CHAF1B: variants seen among roughly 807,000 people sequenced by gnomAD.
CHAF1B encodes the protein chromatin assembly factor 1 subunit B, also known as CAF-1 subunit B.
In CHAF1B, 10 loss-of-function variants were observed where a neutral mutation model predicts 60.7. The observed-to-expected ratio is 0.16, with a 90% CI of 0.10 to 0.28. CHAF1B has a LOEUF of 0.28. Among genes scored for constraint, CHAF1B ranks in the 10% least tolerant of loss-of-function variants. The pLI is 1.00. For synonymous variants in CHAF1B, 261 were observed against 266.1 expected (o/e 0.98, Z 0.19); for missense variants, 558 against 708.4 (o/e 0.79, Z 2.41).
At chr21:36,401,570 T>C (rs970200935) in intron 7 of CHAF1B, among the ~76,000 whole-genome samples, 1 of 112,100 alleles carries the variant, frequency 8.9e-6, no homozygotes, top group Non-Finnish European at 1.6e-5. Context: ...ATACATAATA[T>C]ATATTTTTAT....
chr21:36,409,973 T>C (rs975579182), intron 10 of CHAF1B, among the ~76,000 whole-genome samples: 3 of 151,822 alleles, frequency 2.0e-5, no homozygotes, highest in Admixed American at 6.6e-5. Flanking sequence ...TTTTCTTTTT[T>C]TTTTTTTTGA....
chr21:36,402,733 T>C lies in CHAF1B; in HGVS notation c.664-25T>C, dbSNP rs758123718. 9 of 1,584,962 alleles carry C rather than the reference T, an allele frequency of 5.7e-6. No individual in the cohort carries two copies. The East Asian group carries it at 1.8e-4, about 32-fold the overall frequency. On this transcript the variant is annotated intron_variant, in intron 7 of 13. Coordinates refer to ENST00000314103, the MANE Select transcript of CHAF1B (RefSeq NM_005441.3). ...TGTAGAAAACAAACAAAAAAAATAA[T>C]AAAAATAAATTTTGTGTGCGACAGG...
Position 36,387,689 on chromosome 21 carries a change from G to A in CHAF1B, c.218G>A (p.Arg73His), listed in dbSNP as rs1229456498. 7 of 1,614,068 alleles carry A rather than the reference G, an allele frequency of 4.3e-6. No individual in the cohort carries two copies. The highest frequency in any genetic ancestry group is 3.3e-5 in the Admixed American group (2 of 59,996). ...ARHTKAVNVV[R>H]FSPTGEILAS... ...CATACCAAAGCCGTCAATGTTGTGC[G>A]TTTTTCTCCAACTGGGGAAATTTTA... is the stretch of plus-strand genomic sequence containing the variant. Residue 73 changes from arginine to histidine, a missense_variant, in exon 3 of 14, where the codon CGT (arginine) becomes CAT (histidine). By Grantham distance (29) the Arg-to-His change is conservative. Coordinates refer to ENST00000314103, the MANE Select transcript of CHAF1B (RefSeq NM_005441.3).
At position 36,402,870 on chromosome 21, in the gene CHAF1B, G is replaced by A. The variant is rs2086202762; in HGVS notation, c.757+19G>A. 2 of 1,594,546 alleles carry A rather than the reference G, an allele frequency of 1.3e-6. No individual in the cohort carries two copies. The highest frequency in any genetic ancestry group is 2.2e-5 in the South Asian group (2 of 90,454). ...ACGCCAGGTGTGTTTCGTAGCTTTG[G>A]ACTTAAAGGAATGATGGCCGAGTGG... On this transcript the variant is annotated intron_variant, in intron 8 of 13. Transcript: ENST00000314103.
At chr21:36,392,593 T>G (rs8130294) in intron 4 of CHAF1B, among the ~76,000 whole-genome samples, 1 of 147,732 alleles carries the variant, frequency 6.8e-6, no homozygotes, top group Non-Finnish European at 1.5e-5. Context: ...CGGGCAGAGA[T>G]GCTCCTCTCT....
chr21:36,411,978 C>T (rs573498508), intron 11 of CHAF1B, among the ~76,000 whole-genome samples: 1 of 152,094 alleles, frequency 6.6e-6, no homozygotes, highest in South Asian at 2.1e-4. Context: ...TCCTCCTGCC[C>T]CAGCCTCCCA....
Position 36,386,055 on chromosome 21 carries a change from A to G in CHAF1B, c.-77-5A>G, listed in dbSNP as rs1480454273. On this transcript the variant is annotated splice_polypyrimidine_tract_variant and splice_region_variant and intron_variant, in intron 1 of 13. Transcript: ENST00000314103. ...TGTTAACACTGTTGTTTAATCCATC[A>G]CCAGCATTTTGCAGCTTTCTCCTGT... 6 of 1,559,396 alleles carry G rather than the reference A, an allele frequency of 3.8e-6. No homozygotes were observed. The highest frequency in any genetic ancestry group is 1.2e-5 in the South Asian group (1 of 86,498).
intron 2 of CHAF1B, among the ~76,000 whole-genome samples, chr21:36,386,571 C>A (rs1026597554): frequency 1.3e-5 from 2 of 152,214 alleles, no homozygotes; most frequent in African/African-American, 4.8e-5. Context: ...GCACTCCAGC[C>A]TGGGTGACAG....
chr21:36,402,465 T>A (rs959430885), intron 7 of CHAF1B, among the ~76,000 whole-genome samples: 1 of 152,200 alleles, frequency 6.6e-6, no homozygotes, highest in African/African-American at 2.4e-5. Context: ...AAAAATAATT[T>A]TAGAACCACA....
At chr21:36,413,987 C>T (rs1008059603) in intron 12 of CHAF1B, among the ~76,000 whole-genome samples, 4 of 152,182 alleles carry the variant, frequency 2.6e-5, no homozygotes, top group African/African-American at 9.7e-5. Context: ...CGGTGAGAAA[C>T]GGAGGTCCTG....
intron 11 of CHAF1B, among the ~76,000 whole-genome samples, chr21:36,412,228 G>A (rs1043442562): frequency 6.6e-6 from 1 of 152,200 alleles, no homozygotes; most frequent in African/African-American, 2.4e-5. Flanking sequence ...CTGGGAGGAA[G>A]CCCTTCCCTG....
At position 36,416,916 on chromosome 21, in the gene CHAF1B, T is replaced by G. The variant is rs926433139; in HGVS notation, c.*550T>G. 1 of 152,232 alleles carries G rather than the reference T, an allele frequency of 6.6e-6. No homozygotes were observed. The highest frequency in any genetic ancestry group is 2.4e-5 in the African/African-American group (1 of 41,462). 9.4% of individuals were successfully genotyped at this position (152,232 alleles called of 1,614,324 possible). A position where few individuals can be genotyped will look rare whatever the true frequency, so the allele number is the denominator to read the frequency against. On this transcript the variant is annotated 3_prime_UTR_variant, in exon 14 of 14. Transcript: ENST00000314103. ...AAAAAGATGGGTATCACCCATCATC[T>G]TCCCACCAGAAGTAACCCTCGTTAA...
At chr21:36,393,267 C>T (rs537679755) in intron 4 of CHAF1B, among the ~76,000 whole-genome samples, 4,680 of 152,014 alleles carry the variant, frequency 0.031, 100 homozygotes, top group Admixed American at 0.047. Context: ...TTTTAAATTT[C>T]TGTGGAGACA....
rs2086324385 is a variant in CHAF1B at position 36,416,945 on chromosome 21, T to A, written c.*579T>A. 6.6e-6 allele frequency: 1 copy of A among 152,214 alleles called. No homozygotes were observed. The highest frequency in any genetic ancestry group is 1.9e-4 in the East Asian group (1 of 5,198). 9.4% of individuals were successfully genotyped at this position (152,214 alleles called of 1,614,324 possible). A position where few individuals can be genotyped will look rare whatever the true frequency, so the allele number is the denominator to read the frequency against. The stretch of plus-strand genomic sequence containing the variant: ...CACCAGAAGTAACCCTCGTTAATGT[T>A]GTAGTATATTTCCTTAGCATTTTTG... On this transcript the variant is annotated 3_prime_UTR_variant, in exon 14 of 14. Coordinates refer to ENST00000314103, the MANE Select transcript of CHAF1B (RefSeq NM_005441.3).
intron 3 of CHAF1B, among the ~76,000 whole-genome samples, chr21:36,389,798 T>TGCGCGCGCGCGCGCGC (rs1389760338): frequency 1.1e-3 from 105 of 97,602 alleles, no homozygotes; most frequent in African/African-American, 5.0e-3. Flanking sequence ...TGTGTGTGTG[T>TGCGCGCGCGCGCGCGC]GTGCGCGCGC....
chr21:36,417,960 G>A lies in CHAF1B; in HGVS notation c.*1594G>A, dbSNP rs1220774348. The A allele has an allele frequency of 6.6e-6, 1 of 151,944 alleles. No homozygotes were observed. Among genetic ancestry groups the A allele is most frequent in the Non-Finnish European group, 1.5e-5 (1 of 67,970 alleles). 9.4% of individuals were successfully genotyped at this position (151,944 alleles called of 1,614,324 possible). ...CGCAGCCAAGATTGAGAAATCTAAG[G>A]GAAAAAACTTTCCCTGGATACGGTC... is the stretch of plus-strand genomic sequence containing the variant. On this transcript the variant is annotated 3_prime_UTR_variant, in exon 14 of 14. Transcript: ENST00000314103.
rs115097161 is a variant in CHAF1B, at chr21:36,386,677, G to A, written c.126+415G>A. 7.9e-3 allele frequency among the ~76,000 whole-genome samples: 1,195 copies of A among 151,982 alleles called. 15 individuals are homozygous for A. Among genetic ancestry groups the A allele is most frequent in the African/African-American group, 0.028 (1,147 of 41,450 alleles). ...TCTAGCCCAGAATGCTAAATTTCCAGGGCCTGCGGTGAACAATGAAAGCAA... is the reference window on the plus strand; with the variant it reads ...TCTAGCCCAGAATGCTAAATTTCCAAGGCCTGCGGTGAACAATGAAAGCAA... On this transcript the variant is annotated intron_variant, in intron 2 of 13. Coordinates refer to ENST00000314103, the MANE Select transcript of CHAF1B (RefSeq NM_005441.3).
intron 6 of CHAF1B, 80 bp downstream of exon 6, chr21:36,397,591 T>C: frequency 1.5e-6 from 1 of 657,618 alleles, no homozygotes; most frequent in African/African-American, 1.8e-5. Context: ...TATCGTAACT[T>C]AGCCAAGATT....
intron 3 of CHAF1B, among the ~76,000 whole-genome samples, chr21:36,390,927 A>G (rs1331230308): frequency 6.6e-6 from 1 of 152,162 alleles, no homozygotes; most frequent in African/African-American, 2.4e-5. Flanking sequence ...AAGTGCTGGC[A>G]TTACAGGCGT....
Sources: allele counts gnomAD v4.1 joint callset (sites outside exome capture counted in the v4.1 genomes callset), GRCh38; gene constraint gnomAD v4.1.1; transcripts MANE v1.5; gene names NCBI Gene and HGNC (gene_info 2026-07-23, HGNC 2026-07-21).